FUBP1: variants seen among roughly 807,000 people sequenced by gnomAD.
FUBP1 encodes far upstream element binding protein 1.
FUBP1 carries 16 observed loss-of-function variants against 94.9 expected under a neutral mutation model. The observed-to-expected ratio is 0.17, with a 90% confidence interval of 0.11 to 0.26. The LOEUF is 0.26. Among genes scored for constraint, FUBP1 ranks in the 10% least tolerant of loss-of-function variants. The pLI is 1.00. For synonymous variants in FUBP1, 279 were observed against 254.9 expected (o/e 1.09, Z -0.90); for missense variants, 583 against 808.6 (o/e 0.72, Z 3.38).
chr1:77,964,947 C>T lies in FUBP1; in HGVS notation c.658G>A (p.Val220Ile). Residue 220 changes from valine (V) to isoleucine (I), a missense_variant, in exon 9 of 20, where the codon GTT (valine) becomes ATT (isoleucine). Physicochemically the swap from Val to Ile is conservative, Grantham distance 29 (BLOSUM62 3). Coordinates refer to ENST00000370768, the MANE Select transcript of FUBP1 (RefSeq NM_003902.5). Reference protein sequence around the residue: ...QLQERAGVKMVMIQDGPQNTG... With the variant: ...QLQERAGVKMIMIQDGPQNTG... ...TTCTGCGGCCCGTCTTGAATCATAA[C>T]CATTTTAACTCCAGCCCGTTCCTGT... 6.2e-7 allele frequency: 1 copy of T among 1,612,546 alleles called. No individual in the cohort carries two copies. The highest frequency in any genetic ancestry group is 8.5e-7 in the Non-Finnish European group (1 of 1,178,638).
chr1:77,966,850 T>A, intron 6 of FUBP1, 34 bp downstream of exon 6: 1 of 1,398,078 alleles, frequency 7.2e-7, no homozygotes, highest in Non-Finnish European at 1.0e-6. Flanking sequence ...AGTTTTCTAG[T>A]CACACTGAAA....
At chr1:77,960,581 C>T in intron 14 of FUBP1, 86 bp from the exon 15 acceptor site, 2 of 1,128,822 alleles carry the variant, frequency 1.8e-6, no homozygotes, top group Non-Finnish European at 2.5e-6. Context: ...TCCATTTCTA[C>T]CCTCTTATAG....
At chr1:77,967,247 T>C (rs1402482351) in intron 4 of FUBP1, 146 bp from the exon 5 acceptor site, 4 of 576,368 alleles carry the variant, frequency 6.9e-6, no homozygotes, top group Non-Finnish European at 1.2e-5. Context: ...TCAAAAAATA[T>C]GATCTTATTA....
At chr1:77,968,619 G>A (rs1262590236) in intron 2 of FUBP1, among the ~76,000 whole-genome samples, 1 of 148,666 alleles carries the variant, frequency 6.7e-6, no homozygotes, top group African/African-American at 2.5e-5. Flanking sequence ...AAGTGTATCT[G>A]ACAGTGACCA....
At chr1:77,971,521 A>C (rs1198347008) in intron 1 of FUBP1, among the ~76,000 whole-genome samples, 1 of 152,140 alleles carries the variant, frequency 6.6e-6, no homozygotes, top group East Asian at 1.9e-4. Context: ...ACAACTGGAG[A>C]GGTTAAGATT....
intron 1 of FUBP1, among the ~76,000 whole-genome samples, chr1:77,974,954 A>AT: frequency 6.6e-6 from 1 of 152,250 alleles, no homozygotes; most frequent in East Asian, 1.9e-4. Flanking sequence ...CAAGTTCCTT[A>AT]TATAAAATGG....
chr1:77,971,199 G>T (rs1183893506), intron 1 of FUBP1, among the ~76,000 whole-genome samples: 4 of 152,074 alleles, frequency 2.6e-5, no homozygotes, highest in Non-Finnish European at 5.9e-5. Flanking sequence ...TTGCTGAGTG[G>T]TCAGCAATAG....
chr1:77,974,947 G>A (rs541141526), intron 1 of FUBP1, among the ~76,000 whole-genome samples: 78 of 152,294 alleles, frequency 5.1e-4, no homozygotes, highest in African/African-American at 1.3e-3. Context: ...AGATGCTCAA[G>A]TTCCTTATAT....
chr1:77,970,308 A>G (rs575291896), intron 1 of FUBP1, among the ~76,000 whole-genome samples: 74 of 135,160 alleles, frequency 5.5e-4, no homozygotes, highest in African/African-American at 2.4e-3. Context: ...TCTGGATCCT[A>G]TCTGGCTCTG....
At chr1:77,967,154 C>T in intron 4 of FUBP1, 53 bp from the exon 5 acceptor site, 3 of 1,136,804 alleles carry the variant, frequency 2.6e-6, no homozygotes, top group South Asian at 1.4e-5. Flanking sequence ...ACTTTGTTTA[C>T]AAATAAAAGA....
At chr1:77,966,048 G>A (rs1363709200) in intron 7 of FUBP1, among the ~76,000 whole-genome samples, 1 of 152,120 alleles carries the variant, frequency 6.6e-6, no homozygotes, top group African/African-American at 2.4e-5. Flanking sequence ...TAGTAATGAG[G>A]GAGAACTAAC....
chr1:77,959,371 G>A (rs531749290), intron 16 of FUBP1, among the ~76,000 whole-genome samples: 3 of 152,142 alleles, frequency 2.0e-5, no homozygotes, highest in Admixed American at 6.6e-5. Flanking sequence ...ATAATTAAAC[G>A]TATTTGGGCT....
chr1:77,947,698 T>A lies in FUBP1; in HGVS notation c.*1068A>T, dbSNP rs767684184. ...GCATGAGTGTTAAAGAGTAATAAAA[T>A]GACTTCAAGTACATAAAAAAATTAA... On this transcript the variant is annotated 3_prime_UTR_variant, in exon 20 of 20. Coordinates refer to ENST00000370768, the MANE Select transcript of FUBP1 (RefSeq NM_003902.5). 3.5e-6 allele frequency: 2 copies of A among 571,948 alleles called. No homozygotes were observed. Among genetic ancestry groups the A allele is most frequent in the Non-Finnish European group, 5.9e-6 (2 of 338,030 alleles). The allele number at this position is 571,948 out of a possible 1,614,324, so 35.4% of individuals were successfully genotyped here. A position where few individuals can be genotyped will look rare whatever the true frequency, so the allele number is the denominator to read the frequency against.
intron 1 of FUBP1, among the ~76,000 whole-genome samples, chr1:77,975,495 CAGAGA>C (rs535511563): frequency 3.6e-4 from 54 of 151,948 alleles, no homozygotes; most frequent in Admixed American, 2.6e-4. Context: ...TTATAACTGT[CAGAGA>C]AGAGACTGCA....
chr1:77,963,871 A>C (rs754278441), intron 12 of FUBP1, among the ~76,000 whole-genome samples, 156 bp from the exon 13 acceptor site: 1 of 152,228 alleles, frequency 6.6e-6, no homozygotes, highest in Non-Finnish European at 1.5e-5. Flanking sequence ...TTTAAAATAC[A>C]AGAGTAAATA....
Position 77,960,499 on chromosome 1 carries a change from C to A in FUBP1, c.1345-4G>T, listed in dbSNP as rs1557438583. On this transcript the variant is annotated splice_polypyrimidine_tract_variant and splice_region_variant and intron_variant, in intron 14 of 19. Coordinates refer to ENST00000370768, the MANE Select transcript of FUBP1 (RefSeq NM_003902.5). ...GCCCTAAAGGATTTACTGGGCCCTA[C>A]AAAAAAAAGGATGACATAGAAAAAT... 2.5e-6 allele frequency: 4 copies of A among 1,586,966 alleles called. No homozygotes were observed. The highest frequency in any genetic ancestry group is 4.5e-5 in the East Asian group (2 of 44,106).
chr1:77,969,552 T>C (rs1324839325), intron 2 of FUBP1, among the ~76,000 whole-genome samples: 7 of 151,858 alleles, frequency 4.6e-5, no homozygotes, highest in Non-Finnish European at 1.0e-4. Flanking sequence ...ATGACGAAAA[T>C]ACAGCATATT....
intron 1 of FUBP1, among the ~76,000 whole-genome samples, chr1:77,977,419 G>C (rs113909807): frequency 6.6e-6 from 1 of 152,112 alleles, no homozygotes; most frequent in Non-Finnish European, 1.5e-5. Flanking sequence ...CCAGCTACTC[G>C]GGAGGCTGAG....
chr1:77,950,913 C>A (rs945975357), intron 18 of FUBP1, among the ~76,000 whole-genome samples: 1 of 152,032 alleles, frequency 6.6e-6, no homozygotes, highest in Non-Finnish European at 1.5e-5. Context: ...CTGAAAAAAA[C>A]CCTCTTTTCT....
Sources: allele counts gnomAD v4.1 joint callset (sites outside exome capture counted in the v4.1 genomes callset), GRCh38; gene constraint gnomAD v4.1.1; transcripts MANE v1.5; gene names NCBI Gene and HGNC (gene_info 2026-07-23, HGNC 2026-07-21).